Variants in MTX2 observed in about 807,000 individuals in gnomAD.
MTX2 encodes the protein metaxin 2, also known as metaxin-2.
Under a neutral mutation model 42.3 loss-of-function variants are expected in MTX2, and 35 were observed. The observed-to-expected ratio is 0.83, with a 90% CI of 0.63 to 1.10. MTX2 has a LOEUF of 1.10. Among genes scored for constraint, MTX2 ranks in the 50% least tolerant of loss-of-function variants. The pLI is 0.00. For missense variants in MTX2, 307 were observed against 304.1 expected (o/e 1.01, Z -0.07); for synonymous variants, 119 against 100.9 (o/e 1.18, Z -1.08).
At chr2:176,297,110 T>C (rs79506541) in intron 2 of MTX2, among the ~76,000 whole-genome samples, 213 of 152,282 alleles carry the variant, frequency 1.4e-3, no homozygotes, top group African/African-American at 4.5e-3. Flanking sequence ...CTTAGTTTAT[T>C]ATTGACTCAT....
intron 7 of MTX2, 67 bp downstream of exon 7, chr2:176,328,979 A>G: frequency 2.2e-6 from 3 of 1,340,512 alleles, no homozygotes; most frequent in Non-Finnish European, 3.2e-6. Context: ...TCAGAATCGC[A>G]AGTCCCTGCT....
chr2:176,295,484 GC>G lies in MTX2; in HGVS notation c.41-1375del, dbSNP rs201573886. 3.2e-3 allele frequency among the ~76,000 whole-genome samples: 486 copies of G among 152,108 alleles called. 6 individuals carry two copies. In the East Asian group the frequency reaches 0.036, roughly 11 times the overall value. On this transcript the variant is annotated intron_variant, in intron 1 of 9. Coordinates refer to ENST00000249442, the MANE Select transcript of MTX2 (RefSeq NM_006554.5). The stretch of plus-strand genomic sequence containing the variant: ...TGACAGCAAAATATTTTGTTTCATT[GC>G]TGTGTTGGTATGTGCGTTGAAATTC...
In MTX2 at chr2:176,337,627, A is replaced by C. The variant is rs540151224; in HGVS notation, c.755A>C (p.His252Pro). ...GCTTTCTGTAGGAGAATTGAACAGC[A>C]CTATTTTGAAGATCGTGGTAAAGGC... The part of the protein sequence containing the change: ...LLAFCRRIEQ[H>P]YFEDRGKGRL... Residue 252 changes from histidine to proline, a missense_variant, in exon 10 of 10, where the codon CAC becomes CCC. Physicochemically the swap from His to Pro is moderately conservative, Grantham distance 77. Coordinates refer to ENST00000249442, the MANE Select transcript of MTX2 (RefSeq NM_006554.5). 5 of 1,611,820 alleles carry C rather than the reference A, an allele frequency of 3.1e-6. No homozygotes were observed. In the African/African-American group the frequency reaches 6.7e-5, roughly 22 times the overall value.
At chr2:176,275,961 T>C (rs1282592513) in intron 1 of MTX2, among the ~76,000 whole-genome samples, 1 of 152,250 alleles carries the variant, frequency 6.6e-6, no homozygotes, top group African/African-American at 2.4e-5. Flanking sequence ...CTATGGATTT[T>C]GAAGTGAAAG....
chr2:176,323,268 C>A (rs1684627342), intron 3 of MTX2, 124 bp from the exon 4 acceptor site: 1 of 759,696 alleles, frequency 1.3e-6, no homozygotes, highest in East Asian at 2.6e-5. Context: ...TAAATTGGTT[C>A]ATTGTTTTCT....
intron 1 of MTX2, among the ~76,000 whole-genome samples, chr2:176,281,245 T>C (rs1693071475): frequency 6.6e-6 from 1 of 152,100 alleles, no homozygotes; most frequent in South Asian, 2.1e-4. Context: ...ACAGGAAAGA[T>C]GGTTTGTCTC....
rs71004264 is a variant in MTX2 at position 176,282,126 on chromosome 2, GTTTTTTTTTT to G, written c.40+12476_40+12485del. 1.2e-3 allele frequency among the ~76,000 whole-genome samples: 33 copies of G among 26,430 alleles called. 1 individual carries two copies. The highest frequency in any genetic ancestry group is 5.5e-3 in the Admixed American group (9 of 1,642). 17.3% of individuals were successfully genotyped at this position (26,430 alleles called of 152,430 possible). A position where few individuals can be genotyped will look rare whatever the true frequency, so the allele number is the denominator to read the frequency against. ...TGATATTATTTTTAGAGTTACAGTA[GTTTTTTTTTT>G]TTTTTTTTTTTTTTTTTTGCTGTCA... On this transcript the variant is annotated intron_variant, in intron 1 of 9. Transcript: ENST00000249442.
At chr2:176,278,044 T>G (rs1435574268) in intron 1 of MTX2, among the ~76,000 whole-genome samples, 2 of 79,932 alleles carry the variant, frequency 2.5e-5, no homozygotes, top group African/African-American at 1.1e-4. Context: ...GAAACTGGTT[T>G]TTTTTTTTTT....
At chr2:176,270,477 G>A in intron 1 of MTX2, 1 of 1,227,234 alleles carries the variant, frequency 8.1e-7, no homozygotes, top group Non-Finnish European at 1.1e-6. Context: ...ATTAAATATT[G>A]TTGAGAAAGT....
chr2:176,299,107 C>A (rs1468855247), intron 3 of MTX2, among the ~76,000 whole-genome samples: 1 of 152,068 alleles, frequency 6.6e-6, no homozygotes, highest in African/African-American at 2.4e-5. Flanking sequence ...AGTACTCCCC[C>A]TACCACCACC....
chr2:176,326,888 T>C lies in MTX2; in HGVS notation c.272T>C (p.Phe91Ser). The C allele has an allele frequency of 2.6e-6, 4 of 1,551,836 alleles. No homozygotes were observed. The highest frequency in any genetic ancestry group is 3.5e-6 in the Non-Finnish European group (4 of 1,136,434). ...TCAGAACTTGGTCCAATAGTCCAAT[T>C]TGTTAAAGCCAAGGTAATAAAAAGA... ...VVSELGPIVQ[F>S]VKAKGHSLSD... is the part of the protein sequence containing the mutation. Residue 91 changes from phenylalanine to serine, a missense_variant, in exon 5 of 10, where the codon TTT (phenylalanine) becomes TCT (serine). Physicochemically the swap from Phe to Ser is radical, Grantham distance 155 (BLOSUM62 -2). Coordinates refer to ENST00000249442, the MANE Select transcript of MTX2 (RefSeq NM_006554.5).
At chr2:176,323,740 G>T (rs1280049208) in intron 4 of MTX2, among the ~76,000 whole-genome samples, 1 of 151,678 alleles carries the variant, frequency 6.6e-6, no homozygotes, top group East Asian at 1.9e-4. Context: ...GGAAATACAT[G>T]ATCTCAGATT....
chr2:176,298,652 ACT>A (rs1188587542), intron 3 of MTX2, among the ~76,000 whole-genome samples: 1 of 152,104 alleles, frequency 6.6e-6, no homozygotes, highest in African/African-American at 2.4e-5. Context: ...GAGCATGTAG[ACT>A]GTATCCACTA....
rs538759668 is a variant in MTX2 at position 176,299,450 on chromosome 2, A to T, written c.135+1555A>T. Among the ~76,000 whole-genome samples the T allele has an allele frequency of 9.9e-5, 15 of 152,226 alleles. No homozygotes were observed. In the South Asian group the frequency reaches 3.1e-3, roughly 32 times the overall value. On this transcript the variant is annotated intron_variant, in intron 3 of 9. Transcript: ENST00000249442. ...TTTATTTGTTAATTCTATTTTTATG[A>T]TTTCTATTAATTTGCTTTCTCAAAT...
rs75542114 is a variant in MTX2 at position 176,269,812 on chromosome 2, A to G, written c.40+143A>G. On this transcript the variant is annotated intron_variant, in intron 1 of 9. Coordinates refer to ENST00000249442, the MANE Select transcript of MTX2 (RefSeq NM_006554.5). ...TGGTGGAGGCGGGCACGGACTACCAACCTTATCTCACATATGGGAAAACTG... is the reference window on the plus strand; with the variant it reads ...TGGTGGAGGCGGGCACGGACTACCAGCCTTATCTCACATATGGGAAAACTG... The G allele has an allele frequency of 2.7e-3, 2,708 of 1,006,522 alleles. 45 individuals are homozygous for G. The African/African-American group carries it at 0.037, about 14-fold the overall frequency. 62.3% of individuals were successfully genotyped at this position (1,006,522 alleles called of 1,614,324 possible).
chr2:176,297,521 A>G (rs1042634777), intron 2 of MTX2, among the ~76,000 whole-genome samples: 1 of 152,158 alleles, frequency 6.6e-6, no homozygotes, highest in Non-Finnish European at 1.5e-5. Flanking sequence ...GAATGCTTTT[A>G]CTTTTAACTA....
chr2:176,311,928 G>T (rs906143688), intron 3 of MTX2, among the ~76,000 whole-genome samples: 1 of 152,192 alleles, frequency 6.6e-6, no homozygotes, highest in Admixed American at 6.5e-5. Flanking sequence ...TCCAGTCCCA[G>T]TGAGATGAAC....
intron 1 of MTX2, among the ~76,000 whole-genome samples, chr2:176,272,086 C>T (rs867122784): frequency 1.3e-5 from 2 of 152,148 alleles, no homozygotes; most frequent in South Asian, 2.1e-4. Context: ...GAAACCCTAT[C>T]ATTTGTGATA....
At chr2:176,299,870 C>T (rs1683980339) in intron 3 of MTX2, among the ~76,000 whole-genome samples, 1 of 151,994 alleles carries the variant, frequency 6.6e-6, no homozygotes, top group South Asian at 2.1e-4. Flanking sequence ...GCCAGTTAGG[C>T]CATTAGGAAA....
Sources: gnomAD v4.1 joint callset for allele counts (sites outside exome capture counted in the v4.1 genomes callset) on GRCh38, gnomAD v4.1.1 for gene constraint, MANE v1.5 for transcripts, NCBI Gene and HGNC (gene_info 2026-07-23, HGNC 2026-07-21) for gene names.